CADPS2: variants seen among roughly 807,000 people sequenced by gnomAD.
The protein encoded by CADPS2 is calcium dependent secretion activator 2, also known as calcium-dependent secretion activator 2.
A neutral mutation model predicts 172.5 loss-of-function variants in CADPS2; 93 were observed. The ratio of observed to expected loss-of-function variants is 0.54; its 90% CI spans 0.46 to 0.64. The LOEUF is 0.64. Among genes scored for constraint, CADPS2 ranks in the 30% least tolerant of loss-of-function variants. The pLI is 0.00. For synonymous variants in CADPS2, 546 were observed against 555.2 expected (o/e 0.98, Z 0.23); for missense variants, 1,420 against 1,565.9 (o/e 0.91, Z 1.57).
At chr7:122,755,828 T>G (rs1315127018) in intron 1 of CADPS2, among the ~76,000 whole-genome samples, 1 of 152,152 alleles carries the variant, frequency 6.6e-6, no homozygotes, top group Non-Finnish European at 1.5e-5. Context: ...GATCAAGAGC[T>G]TATTCTGAAA....
rs774154144 is a variant in CADPS2, at chr7:122,491,343, G to A, written c.1620C>T (p.Gly540=). 5.0e-6 allele frequency: 8 copies of A among 1,610,900 alleles called. No homozygotes were observed. The highest frequency in any genetic ancestry group is 5.9e-6 in the Non-Finnish European group (7 of 1,178,288). ...GGGGATCGGTATAATCCACAGTATAGCCTTCAAGCTGCATTAATTCTTGTG... is the reference window on the plus strand; with the variant it reads ...GGGGATCGGTATAATCCACAGTATAACCTTCAAGCTGCATTAATTCTTGTG... ...SEPQELMQLE[G]YTVDYTDPHP... is the part of the protein sequence containing the mutation. The change falls in exon 10 of 30, where the codon GGC becomes GGT. Residue 540 remains glycine (G), a synonymous_variant. Coordinates refer to ENST00000449022, the MANE Select transcript of CADPS2 (RefSeq NM_017954.11).
chr7:122,670,034 CCTCT>C (rs1213100953), intron 2 of CADPS2, among the ~76,000 whole-genome samples: 1 of 151,864 alleles, frequency 6.6e-6, no homozygotes, highest in Non-Finnish European at 1.5e-5. Flanking sequence ...CCCTTCTTCA[CCTCT>C]CTATCTCCCA....
At chr7:122,393,068 A>G in intron 22 of CADPS2, 128 bp downstream of exon 22, 2 of 1,137,958 alleles carry the variant, frequency 1.8e-6, no homozygotes, top group Non-Finnish European at 2.4e-6. Flanking sequence ...ACTCAAATAA[A>G]AAAAAAAAAA....
chr7:122,561,446 C>T (rs934295625), intron 7 of CADPS2, among the ~76,000 whole-genome samples: 15 of 151,940 alleles, frequency 9.9e-5, no homozygotes, highest in African/African-American at 2.7e-4. Flanking sequence ...GTTAAAAGAT[C>T]AAGATTAGAA....
At position 122,854,256 on chromosome 7, in the gene CADPS2, C is replaced by A. The variant is rs529840833; in HGVS notation, c.339+31743G>T. On this transcript the variant is annotated intron_variant, in intron 1 of 29. Transcript: ENST00000449022. ...ACTCGTGCCTGTAGTCCCAGCTTCC[C>A]AGCTACTTGGGAAGCAAGATGGAAG... Among the ~76,000 whole-genome samples the A allele has an allele frequency of 3.9e-5, 6 of 152,152 alleles. No individual in the cohort carries two copies. In the East Asian group the frequency reaches 5.8e-4, roughly 15 times the overall value.
chr7:122,827,148 C>T (rs1448833272), intron 1 of CADPS2, among the ~76,000 whole-genome samples: 3 of 152,100 alleles, frequency 2.0e-5, no homozygotes, highest in Non-Finnish European at 4.4e-5. Context: ...CTATGAACAA[C>T]TTGATGCTCA....
intron 6 of CADPS2, among the ~76,000 whole-genome samples, chr7:122,600,835 A>T (rs2072652510): frequency 6.6e-6 from 1 of 152,120 alleles, no homozygotes; most frequent in Non-Finnish European, 1.5e-5. Flanking sequence ...ATTTGCAGAC[A>T]GAGAACACGA....
intron 17 of CADPS2, among the ~76,000 whole-genome samples, chr7:122,431,993 T>C (rs984505115): frequency 2.6e-5 from 4 of 152,214 alleles, no homozygotes; most frequent in Admixed American, 2.6e-4. Context: ...ATGCTTAGAA[T>C]AGTGCCTGGT....
intron 2 of CADPS2, among the ~76,000 whole-genome samples, chr7:122,686,322 T>A (rs1427241022): frequency 1.3e-5 from 2 of 152,234 alleles, no homozygotes; most frequent in African/African-American, 2.4e-5. Context: ...AAACCTATTG[T>A]ACATGTGAAA....
At chr7:122,390,165 C>T (rs910941386) in intron 22 of CADPS2, among the ~76,000 whole-genome samples, 2 of 152,040 alleles carry the variant, frequency 1.3e-5, no homozygotes, top group African/African-American at 4.8e-5. Flanking sequence ...GCACTGAACA[C>T]TCCCGTAGCA....
chr7:122,615,594 C>G (rs2074811551), intron 5 of CADPS2, among the ~76,000 whole-genome samples: 4 of 152,036 alleles, frequency 2.6e-5, no homozygotes, highest in Admixed American at 1.3e-4. Context: ...AATTTAAACT[C>G]AGATCCTTAA....
At chr7:122,616,881 C>T (rs2074987004) in intron 5 of CADPS2, among the ~76,000 whole-genome samples, 1 of 151,990 alleles carries the variant, frequency 6.6e-6, no homozygotes. Flanking sequence ...AAATATATAA[C>T]CATATTAATT....
At chr7:122,491,485 T>A in intron 9 of CADPS2, 65 bp from the exon 10 acceptor site, 2 of 767,150 alleles carry the variant, frequency 2.6e-6, no homozygotes, top group Non-Finnish European at 4.1e-6. Flanking sequence ...ACTTTCGTTT[T>A]TTTATCAAAA....
chr7:122,685,769 G>T (rs1415702728), intron 2 of CADPS2, among the ~76,000 whole-genome samples: 1 of 152,148 alleles, frequency 6.6e-6, no homozygotes, highest in African/African-American at 2.4e-5. Context: ...TGTATCTCCA[G>T]GGCAATCAAT....
At chr7:122,366,646 C>CATACATATAT (rs2040907426) in intron 25 of CADPS2, 8 of 140,436 alleles carry the variant, frequency 5.7e-5, no homozygotes, top group Non-Finnish European at 3.0e-5. Flanking sequence ...CACACACACA[C>CATACATATAT]ATATATATAC....
intron 24 of CADPS2, among the ~76,000 whole-genome samples, chr7:122,383,903 C>G (rs571116745): frequency 2.0e-5 from 3 of 152,070 alleles, no homozygotes; most frequent in Non-Finnish European, 2.9e-5. Flanking sequence ...AAGTAGGGCC[C>G]CTTGCTCCCC....
At chr7:122,338,707 AT>A (rs991334718) in intron 28 of CADPS2, among the ~76,000 whole-genome samples, 2 of 152,160 alleles carry the variant, frequency 1.3e-5, no homozygotes, top group Non-Finnish European at 2.9e-5. Context: ...AAAGTGAAAA[AT>A]AATTGAAAAG....
In CADPS2 at chr7:122,426,389, T is replaced by C. The variant is rs184429600; in HGVS notation, c.2477-10225A>G. ...ACAAATTTGCCAATCACTGTGAATG[T>C]GTGTGCATGCATTGATGCCTCATGG... On this transcript the variant is annotated intron_variant, in intron 17 of 29. Transcript: ENST00000449022. Among the ~76,000 whole-genome samples the C allele has an allele frequency of 1.2e-4, 19 of 152,342 alleles. No individual in the cohort carries two copies. The East Asian group carries it at 3.5e-3, about 28-fold the overall frequency.
At chr7:122,700,213 C>A (rs2085811291) in intron 2 of CADPS2, among the ~76,000 whole-genome samples, 1 of 152,134 alleles carries the variant, frequency 6.6e-6, no homozygotes, top group South Asian at 2.1e-4. Flanking sequence ...ACATGAATGT[C>A]TCTGGTCTAC....
Sources: gnomAD v4.1 joint callset for allele counts (sites outside exome capture counted in the v4.1 genomes callset) on GRCh38, gnomAD v4.1.1 for gene constraint, MANE v1.5 for transcripts, NCBI Gene and HGNC (gene_info 2026-07-23, HGNC 2026-07-21) for gene names.